Variants in NECTIN3 observed in about 807,000 individuals in gnomAD.
NECTIN3 encodes nectin cell adhesion molecule 3, also known as nectin-3.
Under a neutral mutation model 49.4 loss-of-function variants are expected in NECTIN3, and 8 were observed. The ratio of observed to expected loss-of-function variants is 0.16; its 90% CI spans 0.10 to 0.29. NECTIN3 has a LOEUF of 0.29. Ranked by LOEUF, NECTIN3 falls within the 10% of genes least tolerant of loss-of-function variation. The probability of loss-of-function intolerance (pLI) is 1.00; values close to 1 mark genes in which losing one functional copy is unlikely to be tolerated. For missense variants in NECTIN3, 581 were observed against 654.6 expected (o/e 0.89, Z 1.23); for synonymous variants, 277 against 241.1 (o/e 1.15, Z -1.38).
chr3:111,092,763 T>C (rs1486230549), intron 1 of NECTIN3, among the ~76,000 whole-genome samples: 1 of 152,204 alleles, frequency 6.6e-6, no homozygotes, highest in African/African-American at 2.4e-5. Context: ...CAATTTTATT[T>C]TATTTTTCAA....
intron 6 of NECTIN3, chr3:111,147,388 AC>A: frequency 6.7e-7 from 1 of 1,493,752 alleles, no homozygotes. Flanking sequence ...ACATATTTTA[AC>A]CTTTGCAATG....
intron 5 of NECTIN3, among the ~76,000 whole-genome samples, chr3:111,143,362 T>G (rs1368175420): frequency 6.6e-6 from 1 of 151,796 alleles, no homozygotes; most frequent in Non-Finnish European, 1.5e-5. Flanking sequence ...TTGAAATGAG[T>G]GACTTGGACT....
chr3:111,167,883 T>TC (rs1463760396), intron 7 of NECTIN3, among the ~76,000 whole-genome samples: 1 of 152,120 alleles, frequency 6.6e-6, no homozygotes, highest in African/African-American at 2.4e-5. Flanking sequence ...ACTTTTTTTT[T>TC]CTTTTTTGGA....
At chr3:111,149,560 G>A (rs1276920091) in intron 7 of NECTIN3, among the ~76,000 whole-genome samples, 2 of 149,166 alleles carry the variant, frequency 1.3e-5, no homozygotes, top group Non-Finnish European at 3.0e-5. Context: ...GTTTACTTTA[G>A]GCATTTTGAT....
intron 7 of NECTIN3, among the ~76,000 whole-genome samples, chr3:111,180,938 T>A (rs1330014637): frequency 6.6e-6 from 1 of 152,208 alleles, no homozygotes; most frequent in African/African-American, 2.4e-5. Context: ...AGTTAGAGTT[T>A]TTTTTAAAAA....
chr3:111,166,058 T>C (rs1406741434), intron 7 of NECTIN3, among the ~76,000 whole-genome samples: 1 of 152,190 alleles, frequency 6.6e-6, no homozygotes, highest in South Asian at 2.1e-4. Context: ...ACAAGTTGAT[T>C]GCTACATGCC....
At chr3:111,140,853 G>T (rs530830688), downstream of NECTIN3, among the ~76,000 whole-genome samples, 1 of 152,066 alleles carries the variant, frequency 6.6e-6, no homozygotes, top group South Asian at 2.1e-4. Context: ...TGGACAAGGG[G>T]AGTAACCAGT....
At chr3:111,099,825 C>G (rs1342200016) in intron 1 of NECTIN3, among the ~76,000 whole-genome samples, 1 of 152,112 alleles carries the variant, frequency 6.6e-6, no homozygotes, top group Non-Finnish European at 1.5e-5. Context: ...CAGAATCAGG[C>G]TTTAGTTTTA....
chr3:111,128,139 A>G (rs1478801466), intron 5 of NECTIN3, among the ~76,000 whole-genome samples: 6 of 152,002 alleles, frequency 3.9e-5, no homozygotes, highest in Admixed American at 3.3e-4. Context: ...GGAGCTTGAG[A>G]TCAGCCTGGC....
At chr3:111,159,242 A>G (rs1302885132) in intron 7 of NECTIN3, among the ~76,000 whole-genome samples, 1 of 152,106 alleles carries the variant, frequency 6.6e-6, no homozygotes, top group African/African-American at 2.4e-5. Context: ...AAAATACTGC[A>G]TGTAATTATA....
chr3:111,103,204 G>A (rs2033003961), intron 1 of NECTIN3, among the ~76,000 whole-genome samples: 1 of 152,092 alleles, frequency 6.6e-6, no homozygotes, highest in African/African-American at 2.4e-5. Flanking sequence ...GATTTTGATT[G>A]GAATGTTGTT....
At chr3:111,186,187 A>G (rs1044508731) in intron 7 of NECTIN3, among the ~76,000 whole-genome samples, 3 of 151,950 alleles carry the variant, frequency 2.0e-5, no homozygotes, top group Admixed American at 1.3e-4. Flanking sequence ...TTGGGAAGGA[A>G]TTAGAATTAG....
intron 1 of NECTIN3, among the ~76,000 whole-genome samples, chr3:111,095,762 C>T (rs766092222): frequency 2.6e-5 from 4 of 152,242 alleles, no homozygotes; most frequent in Admixed American, 2.0e-4. Flanking sequence ...TTGCACAAGC[C>T]CTCTATGCCT....
At chr3:111,183,494 A>G (rs867658331) in intron 7 of NECTIN3, among the ~76,000 whole-genome samples, 6 of 152,056 alleles carry the variant, frequency 3.9e-5, no homozygotes, top group Middle Eastern at 3.4e-3. Flanking sequence ...TTGTATTTTT[A>G]TTAGAGACAG....
At chr3:111,087,428 G>T (rs574859957) in intron 1 of NECTIN3, among the ~76,000 whole-genome samples, 2 of 152,084 alleles carry the variant, frequency 1.3e-5, no homozygotes, top group Non-Finnish European at 2.9e-5. Context: ...CAAGGCTGGC[G>T]TATCACTGGA....
At position 111,071,919 on chromosome 3, in the gene NECTIN3, G is replaced by C. The variant is rs2030757338; in HGVS notation, c.-99G>C. ...CGCTAGAGCTGGGAGCTGGGGACGC[G>C]CGCGCCGGACCTTCCACAGCCTCCG... On this transcript the variant is annotated 5_prime_UTR_variant, in exon 1 of 6. Transcript: ENST00000485303. 1 of 793,102 alleles carries C rather than the reference G, an allele frequency of 1.3e-6. No homozygotes were observed. The highest frequency in any genetic ancestry group is 1.7e-6 in the Non-Finnish European group (1 of 572,360). 49.1% of individuals were successfully genotyped at this position (793,102 alleles called of 1,614,324 possible). A position where few individuals can be genotyped will look rare whatever the true frequency, so the allele number is the denominator to read the frequency against.
chr3:111,169,113 G>A (rs1397012599), intron 7 of NECTIN3, among the ~76,000 whole-genome samples: 72 of 114,158 alleles, frequency 6.3e-4, no homozygotes, highest in African/African-American at 2.1e-3. Flanking sequence ...TTTTTGAGAC[G>A]GAGTCTCGCT....
chr3:111,118,252 A>ATATATATAT (rs1553723396), intron 2 of NECTIN3, among the ~76,000 whole-genome samples: 3 of 111,980 alleles, frequency 2.7e-5, no homozygotes, highest in Non-Finnish European at 3.8e-5. Context: ...ATGAAGCTAT[A>ATATATATAT]TATATATATA....
chr3:111,168,359 A>T (rs888505394), intron 7 of NECTIN3, among the ~76,000 whole-genome samples: 8 of 152,314 alleles, frequency 5.3e-5, no homozygotes, highest in South Asian at 2.1e-4. Context: ...GTGATCAGAG[A>T]CAGGAAGACA....
Sources: allele counts gnomAD v4.1 joint callset (sites outside exome capture counted in the v4.1 genomes callset), GRCh38; gene constraint gnomAD v4.1.1; transcripts MANE v1.5; gene names NCBI Gene and HGNC (gene_info 2026-07-23, HGNC 2026-07-21).